ATG16L1: variants seen among roughly 807,000 people sequenced by gnomAD.
ATG16L1 encodes the protein autophagy related 16 like 1.
In ATG16L1, 37 loss-of-function variants were observed where a neutral mutation model predicts 88.5. That is an observed-to-expected ratio of 0.42 (90% CI 0.32 to 0.55). The LOEUF (loss-of-function observed/expected upper bound fraction) is 0.55. Among genes scored for constraint, ATG16L1 ranks in the 20% least tolerant of loss-of-function variants. The pLI is 0.13. For synonymous variants in ATG16L1, 301 were observed against 281.0 expected (o/e 1.07, Z -0.71); for missense variants, 554 against 752.8 (o/e 0.74, Z 3.09).
intron 9 of ATG16L1, chr2:233,276,086 TG>T (rs1285312683): frequency 7.1e-5 from 30 of 420,976 alleles, no homozygotes; most frequent in Non-Finnish European, 1.2e-4. Flanking sequence ...TTTTCAGCAG[TG>T]GGTCACAAGA....
intron 1 of ATG16L1, among the ~76,000 whole-genome samples, chr2:233,253,665 A>G (rs1300076109): frequency 1.3e-5 from 2 of 152,122 alleles, no homozygotes; most frequent in Non-Finnish European, 2.9e-5. Flanking sequence ...ATTTGAACTT[A>G]GGCTTGATGA....
In ATG16L1 at chr2:233,293,167, CA is replaced by C. The variant is rs1390570383; in HGVS notation, c.1629-86del. 2.1e-5 allele frequency: 25 copies of C among 1,173,864 alleles called. No homozygotes were observed. The East Asian group carries it at 5.2e-4, about 24-fold the overall frequency. 72.7% of individuals were successfully genotyped at this position (1,173,864 alleles called of 1,614,324 possible). ...CACAGGAGTGGTCATCAGTGAAGAA[CA>C]AACATTCCTTCTTGGGAAAAAGGCC... On this transcript the variant is annotated intron_variant, in intron 16 of 17. Transcript: ENST00000392017.
intron 5 of ATG16L1, among the ~76,000 whole-genome samples, chr2:233,265,712 CCCG>C (rs1442600395): frequency 6.6e-6 from 1 of 152,172 alleles, no homozygotes; most frequent in Non-Finnish European, 1.5e-5. Flanking sequence ...TCAGGATCCA[CCCG>C]CCTCGGCCTC....
chr2:233,261,157 G>A (rs994660215), intron 2 of ATG16L1, among the ~76,000 whole-genome samples: 10 of 152,130 alleles, frequency 6.6e-5, no homozygotes, highest in South Asian at 2.1e-4. Context: ...GGATTTCACC[G>A]TGTTAGCCAG....
rs1559396285 is a variant in ATG16L1, at chr2:233,274,787, G to A, written c.954+9G>A. 3 of 1,601,194 alleles carry A rather than the reference G, an allele frequency of 1.9e-6. No individual in the cohort carries two copies. Among genetic ancestry groups the A allele is most frequent in the Non-Finnish European group, 2.6e-6 (3 of 1,168,630 alleles). On this transcript the variant is annotated intron_variant, in intron 9 of 17. Coordinates refer to ENST00000392017, the MANE Select transcript of ATG16L1 (RefSeq NM_030803.7). ...CTGCCTTGTGTGTCTTCGTAAGTAT[G>A]CTTCAGCCCCGAACCCTACCACGCT...
chr2:233,281,081 T>C (rs1312578668), intron 10 of ATG16L1, 24 bp from the exon 11 acceptor site: 2 of 1,513,558 alleles, frequency 1.3e-6, no homozygotes, highest in Admixed American at 2.0e-5. Context: ...CTTCCCATCA[T>C]CCTAATTTTT....
Position 233,274,662 on chromosome 2 carries a change from A to G in ATG16L1, c.852-14A>G, listed in dbSNP as rs1157256784. 6.3e-7 allele frequency: 1 copy of G among 1,581,114 alleles called. No homozygotes were observed. Among genetic ancestry groups the G allele is most frequent in the Non-Finnish European group, 8.7e-7 (1 of 1,150,830 alleles). On this transcript the variant is annotated splice_polypyrimidine_tract_variant and intron_variant, in intron 8 of 17. Transcript: ENST00000392017. ...GCAATCCTGTCTAATATTTGTCTTTATGTTATTTCTTAGGAGACGCTCTGT... is the reference window on the plus strand; with the variant it reads ...GCAATCCTGTCTAATATTTGTCTTTGTGTTATTTCTTAGGAGACGCTCTGT...
At chr2:233,279,834 G>A (rs892332080) in intron 10 of ATG16L1, among the ~76,000 whole-genome samples, 2 of 151,206 alleles carry the variant, frequency 1.3e-5, no homozygotes, top group Non-Finnish European at 2.9e-5. Flanking sequence ...CTCTCATATT[G>A]AATAGCATTA....
intron 4 of ATG16L1, 54 bp downstream of exon 4, chr2:233,264,119 G>T (rs1012954748): frequency 6.3e-7 from 1 of 1,592,364 alleles, no homozygotes; most frequent in African/African-American, 1.3e-5. Flanking sequence ...CATGTCCTTT[G>T]TTCTGCTGAC....
intron 6 of ATG16L1, among the ~76,000 whole-genome samples, chr2:233,270,553 T>C (rs1697926713): frequency 6.6e-6 from 1 of 152,242 alleles, no homozygotes; most frequent in East Asian, 1.9e-4. Flanking sequence ...TGCCTCACTG[T>C]TTCCTGTTGA....
At chr2:233,256,775 A>G (rs778148219) in intron 2 of ATG16L1, among the ~76,000 whole-genome samples, 7 of 151,544 alleles carry the variant, frequency 4.6e-5, no homozygotes, top group Admixed American at 2.6e-4. Flanking sequence ...GCTCACTGCA[A>G]CCTGCAACCT....
At chr2:233,267,463 A>G (rs1291514442) in intron 5 of ATG16L1, among the ~76,000 whole-genome samples, 1 of 49,718 alleles carries the variant, frequency 2.0e-5, no homozygotes, top group Non-Finnish European at 6.3e-5. Context: ...ATACTTTTTT[A>G]AAAAAATGAC....
chr2:233,280,036 G>T (rs1698621325), intron 10 of ATG16L1, among the ~76,000 whole-genome samples: 1 of 152,120 alleles, frequency 6.6e-6, no homozygotes, highest in Non-Finnish European at 1.5e-5. Context: ...AAGAAAGCTA[G>T]GATCCAGAAA....
chr2:233,273,097 A>C, intron 7 of ATG16L1, 45 bp downstream of exon 7: 1 of 1,479,036 alleles, frequency 6.8e-7, no homozygotes, highest in Non-Finnish European at 9.5e-7. Context: ...CTTGAGGAGC[A>C]ATATGAAGGC....
At chr2:233,258,047 A>G (rs1696939138) in intron 2 of ATG16L1, among the ~76,000 whole-genome samples, 1 of 148,040 alleles carries the variant, frequency 6.8e-6, no homozygotes, top group Non-Finnish European at 1.5e-5. Context: ...CTATATATCT[A>G]TATCTATCTC....
At chr2:233,263,887 C>T (rs1697383397) in intron 3 of ATG16L1, 105 bp from the exon 4 acceptor site, 4 of 1,120,198 alleles carry the variant, frequency 3.6e-6, no homozygotes, top group Admixed American at 3.9e-5. Flanking sequence ...TTGCTGTCAC[C>T]CAGCTCATTT....
chr2:233,274,660 T>C lies in ATG16L1; in HGVS notation c.852-16T>C. On this transcript the variant is annotated splice_polypyrimidine_tract_variant and intron_variant, in intron 8 of 17. Coordinates refer to ENST00000392017, the MANE Select transcript of ATG16L1 (RefSeq NM_030803.7). The stretch of plus-strand genomic sequence containing the variant: ...CTGCAATCCTGTCTAATATTTGTCT[T>C]TATGTTATTTCTTAGGAGACGCTCT... 8 of 1,578,078 alleles carry C rather than the reference T, an allele frequency of 5.1e-6. No homozygotes were observed. The highest frequency in any genetic ancestry group is 7.0e-6 in the Non-Finnish European group (8 of 1,148,052).
At chr2:233,280,005 T>G (rs911512263) in intron 10 of ATG16L1, among the ~76,000 whole-genome samples, 1 of 152,254 alleles carries the variant, frequency 6.6e-6, no homozygotes, top group Admixed American at 6.5e-5. Flanking sequence ...ATTAGCCTTT[T>G]TCAACCCTTT....
intron 14 of ATG16L1, among the ~76,000 whole-genome samples, chr2:233,291,351 C>T (rs57929619): frequency 0.029 from 4,426 of 152,258 alleles, 198 homozygotes; most frequent in African/African-American, 0.1. Context: ...GTTGGATGTT[C>T]GAAGTCTCTT....
Sources: allele counts gnomAD v4.1 joint callset (sites outside exome capture counted in the v4.1 genomes callset), GRCh38; gene constraint gnomAD v4.1.1; transcripts MANE v1.5; gene names NCBI Gene and HGNC (gene_info 2026-07-23, HGNC 2026-07-21).